Variants in PPP1R1C observed in about 807,000 individuals in gnomAD.
PPP1R1C encodes the protein protein phosphatase 1 regulatory subunit 1C.
A neutral mutation model predicts 17.4 loss-of-function variants in PPP1R1C; 15 were observed. The ratio of observed to expected loss-of-function variants is 0.86; its 90% confidence interval spans 0.58 to 1.33. PPP1R1C has a LOEUF of 1.33. Ranked by LOEUF, PPP1R1C falls within the 40% of genes most tolerant of loss-of-function variation. PPP1R1C has a pLI of 0.00. For synonymous variants in PPP1R1C, 35 were observed against 43.1 expected (o/e 0.81, Z 0.73); for missense variants, 143 against 130.0 (o/e 1.10, Z -0.48).
intron 4 of PPP1R1C, among the ~76,000 whole-genome samples, chr2:182,094,890 C>T (rs1381098798): frequency 2.0e-5 from 3 of 152,176 alleles, no homozygotes; most frequent in East Asian, 1.9e-4. Flanking sequence ...TGACTAGTGA[C>T]GTTTCAACTT....
At chr2:182,085,902 G>T (rs1294181633) in intron 4 of PPP1R1C, among the ~76,000 whole-genome samples, 2 of 152,066 alleles carry the variant, frequency 1.3e-5, no homozygotes, top group African/African-American at 4.8e-5. Context: ...AAATGGAAAT[G>T]TATTGATAAA....
chr2:182,038,286 G>A (rs1338218981), intron 2 of PPP1R1C, among the ~76,000 whole-genome samples: 11 of 151,960 alleles, frequency 7.2e-5, no homozygotes, highest in African/African-American at 1.9e-4. Context: ...CAATCTGCCC[G>A]CCTCGGCCTC....
chr2:182,095,186 C>G (rs1467669546), intron 4 of PPP1R1C, among the ~76,000 whole-genome samples: 2 of 152,118 alleles, frequency 1.3e-5, no homozygotes, highest in Non-Finnish European at 2.9e-5. Flanking sequence ...GTAGTCCCAG[C>G]TGCTGTGGAG....
intron 4 of PPP1R1C, 48 bp downstream of exon 4, chr2:182,063,839 C>G (rs781584644): frequency 7.0e-7 from 1 of 1,437,488 alleles, no homozygotes; most frequent in Non-Finnish European, 9.8e-7. Context: ...TGAATCATGG[C>G]TGGTCGGCCG....
At chr2:181,954,933 A>G (rs887804489) in intron 1 of PPP1R1C, among the ~76,000 whole-genome samples, 1 of 152,210 alleles carries the variant, frequency 6.6e-6, no homozygotes, top group African/African-American at 2.4e-5. Flanking sequence ...TGGCTAGGAC[A>G]GGAGCTGTGG....
chr2:181,993,672 T>C (rs1456025867), intron 2 of PPP1R1C, among the ~76,000 whole-genome samples: 2 of 152,154 alleles, frequency 1.3e-5, no homozygotes, highest in African/African-American at 4.8e-5. Context: ...TTTTTATGAG[T>C]TATTGAATGC....
At chr2:182,027,750 C>T (rs913407723) in intron 2 of PPP1R1C, among the ~76,000 whole-genome samples, 14 of 151,360 alleles carry the variant, frequency 9.2e-5, no homozygotes, top group Non-Finnish European at 1.3e-4. Flanking sequence ...AGGAGTCCCT[C>T]TTTTTCTATT....
intron 2 of PPP1R1C, among the ~76,000 whole-genome samples, chr2:181,989,235 C>T: frequency 6.6e-6 from 1 of 152,248 alleles, no homozygotes; most frequent in East Asian, 1.9e-4. Flanking sequence ...TTTCAGAGGT[C>T]TATAGGCATC....
intron 5 of PPP1R1C, among the ~76,000 whole-genome samples, chr2:182,128,066 C>G (rs1033968564): frequency 2.0e-5 from 3 of 151,928 alleles, no homozygotes; most frequent in African/African-American, 7.2e-5. Context: ...AAACACAAGA[C>G]CAAAATTCTA....
chr2:182,032,186 C>G (rs1686864892), intron 2 of PPP1R1C, among the ~76,000 whole-genome samples: 2 of 152,174 alleles, frequency 1.3e-5, no homozygotes, highest in South Asian at 4.1e-4. Context: ...GGGGGCCATC[C>G]CTTTCAACTG....
downstream of PPP1R1C, chr2:182,117,764 A>G (rs1689633167): frequency 6.5e-6 from 1 of 153,162 alleles, no homozygotes; most frequent in South Asian, 2.0e-4. Context: ...TGAGATTTGC[A>G]TTGATCATAT....
chr2:182,047,352 A>G (rs192810424), intron 2 of PPP1R1C, among the ~76,000 whole-genome samples: 123 of 152,368 alleles, frequency 8.1e-4, no homozygotes, highest in African/African-American at 2.9e-3. Context: ...GATTAAATGC[A>G]CATTGAATAA....
chr2:182,028,663 T>G (rs1194247825), intron 2 of PPP1R1C, among the ~76,000 whole-genome samples: 1 of 151,430 alleles, frequency 6.6e-6, no homozygotes, highest in Non-Finnish European at 1.5e-5. Context: ...AGGTGTGGTG[T>G]GGTGCTGAAA....
At chr2:181,963,444 G>A (rs974414733) in intron 1 of PPP1R1C, among the ~76,000 whole-genome samples, 5 of 152,170 alleles carry the variant, frequency 3.3e-5, no homozygotes, top group African/African-American at 1.2e-4. Flanking sequence ...TTCAAGACCA[G>A]CCTGGCCAAC....
chr2:182,068,471 G>A (rs531809103), intron 4 of PPP1R1C, among the ~76,000 whole-genome samples: 3 of 152,258 alleles, frequency 2.0e-5, no homozygotes, highest in South Asian at 2.1e-4. Context: ...TTGAAAAGTC[G>A]GGTTTAAGAT....
At chr2:182,111,397 T>A (rs149537054) in intron 4 of PPP1R1C, among the ~76,000 whole-genome samples, 2,395 of 152,280 alleles carry the variant, frequency 0.016, 36 homozygotes, top group South Asian at 0.056. Context: ...ATTAATTGGC[T>A]AGTCATTATA....
chr2:181,984,771 T>C (rs2125138286), upstream of PPP1R1C, among the ~76,000 whole-genome samples: 1 of 152,322 alleles, frequency 6.6e-6, no homozygotes, highest in South Asian at 2.1e-4. Context: ...TCTAAATATA[T>C]TAAGTACATC....
chr2:182,046,975 C>T (rs6433953), intron 2 of PPP1R1C, among the ~76,000 whole-genome samples: 96,916 of 151,876 alleles, frequency 0.64, 32,263 homozygotes, highest in Non-Finnish European at 0.75. Context: ...AAAAAGAAAA[C>T]GTTTCTGTGA....
At chr2:181,986,878 GGCAAAA>G (rs1685313297) in intron 1 of PPP1R1C, among the ~76,000 whole-genome samples, 1 of 152,124 alleles carries the variant, frequency 6.6e-6, no homozygotes, top group Non-Finnish European at 1.5e-5. Context: ...ACTGTGAGGA[GGCAAAA>G]GCAAAGAAAT....
Sources: allele counts gnomAD v4.1 joint callset (sites outside exome capture counted in the v4.1 genomes callset), GRCh38; gene constraint gnomAD v4.1.1; transcripts MANE v1.5; gene names NCBI Gene and HGNC (gene_info 2026-07-23, HGNC 2026-07-21).